The following ANKRD36 variants were observed in gnomAD, a reference collection of about 807,000 sequenced individuals.
ANKRD36 encodes the protein ankyrin repeat domain-containing protein 36A.
Under a neutral mutation model 278.1 loss-of-function variants are expected in ANKRD36, and 179 were observed. The ratio of observed to expected loss-of-function variants is 0.64; its 90% CI spans 0.57 to 0.73. The LOEUF (loss-of-function observed/expected upper bound fraction) is 0.73. Among genes scored for constraint, ANKRD36 ranks in the 30% least tolerant of loss-of-function variants. The pLI is 0.00. For missense variants in ANKRD36, 1,159 were observed against 1,956.7 expected, an observed-to-expected ratio of 0.59 and a Z score of 7.69; for synonymous variants, 320 against 641.1, an observed-to-expected ratio of 0.50 and a Z score of 7.57.
chr2:97,173,780 A>C (rs1054596615), intron 22 of ANKRD36, among the ~76,000 whole-genome samples: 4 of 151,716 alleles, frequency 2.6e-5, no homozygotes, highest in African/African-American at 9.7e-5. Flanking sequence ...CAGAAGTTAG[A>C]AGGATGAGGG....
At chr2:97,130,958 C>A (rs560800208) in intron 6 of ANKRD36, among the ~76,000 whole-genome samples, 115 of 152,140 alleles carry the variant, frequency 7.6e-4, no homozygotes, top group Admixed American at 5.9e-4. Context: ...GTAAGTGATG[C>A]TGCTCCTTTA....
At chr2:97,186,811 T>C (rs2057496398) in intron 30 of ANKRD36, among the ~76,000 whole-genome samples, 1 of 151,868 alleles carries the variant, frequency 6.6e-6, no homozygotes, top group South Asian at 2.1e-4. Flanking sequence ...GTAAATCATT[T>C]GGATATCTTG....
intron 62 of ANKRD36, chr2:97,216,723 C>T (rs1378655023): frequency 5.7e-6 from 2 of 348,964 alleles, no homozygotes; most frequent in Non-Finnish European, 1.0e-5. Context: ...TAATTGTGTA[C>T]CTTCTCAGTT....
At chr2:97,205,752 A>G (rs777055063) in intron 50 of ANKRD36, among the ~76,000 whole-genome samples, 188 bp from the exon 51 acceptor site, 1 of 151,466 alleles carries the variant, frequency 6.6e-6, no homozygotes, top group Non-Finnish European at 1.5e-5. Context: ...GGTATATTTC[A>G]TGGAGCCTGT....
chr2:97,245,830 A>AGGACCTTGACAACTCTATCCAAGGG lies in ANKRD36; in HGVS notation c.5165_5166insGGACCTTGACAACTCTATCCAAGGG (p.Leu1723AspfsTer22). The AGGACCTTGACAACTCTATCCAAGGG allele has an allele frequency of 9.4e-6, 5 of 530,916 alleles. 1 individual carries two copies. The East Asian group carries it at 1.7e-4, about 18-fold the overall frequency. The allele number at this position is 530,916 out of a possible 1,614,324, so 32.9% of individuals were successfully genotyped here. A position where few individuals can be genotyped will look rare whatever the true frequency, so the allele number is the denominator to read the frequency against. On this transcript the variant is annotated frameshift_variant, in exon 71 of 76. Coordinates refer to ENST00000420699, the MANE Select transcript of ANKRD36 (RefSeq NM_001354587.1). LOFTEE classifies it high-confidence loss of function. Reference sequence around the variant, plus strand: ...ATAGAAAAACAGGAAAGATTTTGTCAACTAAAAAAACAAAATATGTTGCTT... The same window carrying AGGACCTTGACAACTCTATCCAAGGG: ...ATAGAAAAACAGGAAAGATTTTGTCAGGACCTTGACAACTCTATCCAAGGGACTAAAAAAACAAAATATGTTGCTT...
chr2:97,168,246 T>G (rs1205849538), intron 22 of ANKRD36, among the ~76,000 whole-genome samples: 1 of 152,302 alleles, frequency 6.6e-6, no homozygotes, highest in African/African-American at 2.4e-5. Flanking sequence ...TTTCTGCATG[T>G]GTATGTGTGT....
intron 56 of ANKRD36, 149 bp from the exon 57 acceptor site, chr2:97,211,397 T>C: frequency 1.5e-6 from 2 of 1,290,480 alleles, no homozygotes; most frequent in African/African-American, 1.5e-5. Context: ...ATTTCTGTCA[T>C]GTTCTGGTCC....
At chr2:97,175,358 A>T (rs1276698112) in intron 22 of ANKRD36, among the ~76,000 whole-genome samples, 1 of 150,798 alleles carries the variant, frequency 6.6e-6, no homozygotes, top group Non-Finnish European at 1.5e-5. Flanking sequence ...GTCTTGGGAG[A>T]GTGTATGTGT....
chr2:97,175,457 G>A lies in ANKRD36; in HGVS notation c.1634-4281G>A. Among the ~76,000 whole-genome samples, 2 of 151,828 alleles carry A rather than the reference G, an allele frequency of 1.3e-5. 1 individual carries two copies. Among genetic ancestry groups the A allele is most frequent in the East Asian group, 3.9e-4 (2 of 5,166 alleles). The stretch of plus-strand genomic sequence containing the variant: ...CTCTGATGGTAGTTTATTTCTGTGG[G>A]ATCGGTGGTGATATCCCCTTTATCA... On this transcript the variant is annotated intron_variant, in intron 22 of 75. Coordinates refer to ENST00000420699, the MANE Select transcript of ANKRD36 (RefSeq NM_001354587.1).
chr2:97,130,198 A>G (rs2039720050), intron 6 of ANKRD36, among the ~76,000 whole-genome samples: 1 of 151,886 alleles, frequency 6.6e-6, no homozygotes, highest in African/African-American at 2.4e-5. Context: ...AACCAACCCA[A>G]ATGTCCAACA....
chr2:97,166,990 C>T (rs183880994), intron 20 of ANKRD36, among the ~76,000 whole-genome samples: 2 of 150,890 alleles, frequency 1.3e-5, no homozygotes, highest in African/African-American at 4.9e-5. Context: ...TGAAAAAAGC[C>T]TCTGATGTTT....
chr2:97,206,260 C>T (rs1341347919), intron 52 of ANKRD36, 125 bp downstream of exon 52: 1 of 1,136,708 alleles, frequency 8.8e-7, no homozygotes. Context: ...GGAGATTCTT[C>T]ATTTGTAGTA....
chr2:97,193,859 C>A (rs186964200), intron 38 of ANKRD36, among the ~76,000 whole-genome samples: 2 of 151,568 alleles, frequency 1.3e-5, no homozygotes, highest in African/African-American at 4.8e-5. Context: ...GAGAATAACA[C>A]GATACTCCCA....
chr2:97,130,151 C>G (rs1437890660), intron 6 of ANKRD36, among the ~76,000 whole-genome samples: 2 of 151,728 alleles, frequency 1.3e-5, no homozygotes, highest in African/African-American at 4.8e-5. Flanking sequence ...TTTCATTGAG[C>G]AGTGGTTTGT....
intron 66 of ANKRD36, among the ~76,000 whole-genome samples, chr2:97,222,633 A>G (rs1344005434): frequency 6.6e-6 from 1 of 152,136 alleles, no homozygotes; most frequent in Non-Finnish European, 1.5e-5. Context: ...AGTTTGAAAC[A>G]TAACAGTGTC....
At chr2:97,200,383 A>C in intron 45 of ANKRD36, 21 bp downstream of exon 45, 1 of 1,604,928 alleles carries the variant, frequency 6.2e-7, no homozygotes, top group Non-Finnish European at 8.5e-7. Context: ...TCTCATTCAT[A>C]TTGTGAGCTA....
rs1470238474 is a variant in ANKRD36 at position 97,244,240 on chromosome 2, T to C, written c.4491+211T>C. On this transcript the variant is annotated intron_variant, in intron 70 of 75. Transcript: ENST00000420699. The stretch of plus-strand genomic sequence containing the variant: ...CAAAGGCCTTTTGAAAACAATGCTA[T>C]TCTACAATATATACTTAATGATATT... Among the ~76,000 whole-genome samples, 37 of 146,118 alleles carry C rather than the reference T, an allele frequency of 2.5e-4. 1 individual carries two copies. The highest frequency in any genetic ancestry group is 4.6e-5 in the Non-Finnish European group (3 of 65,580).
At chr2:97,148,086 T>A (rs540910169) in intron 11 of ANKRD36, among the ~76,000 whole-genome samples, 1 of 151,904 alleles carries the variant, frequency 6.6e-6, no homozygotes, top group African/African-American at 2.4e-5. Flanking sequence ...GGGCTTAGAA[T>A]CCCTCAAGAA....
intron 12 of ANKRD36, among the ~76,000 whole-genome samples, chr2:97,150,985 ACT>A (rs1037588669): frequency 4.6e-5 from 7 of 152,138 alleles, no homozygotes; most frequent in African/African-American, 1.4e-4. Flanking sequence ...AACAAATGAA[ACT>A]CTTTATTACA....
Sources: gnomAD v4.1 joint callset for allele counts (sites outside exome capture counted in the v4.1 genomes callset) on GRCh38, gnomAD v4.1.1 for gene constraint, MANE v1.5 for transcripts, NCBI Gene and HGNC (gene_info 2026-07-23, HGNC 2026-07-21) for gene names.